Variants in THUMPD1 observed in about 807,000 individuals in gnomAD.
THUMPD1 encodes THUMP domain 1 NAT10 acetyltransferase adaptor.
A neutral mutation model predicts 31.6 loss-of-function variants in THUMPD1; 31 were observed. That is an observed-to-expected ratio of 0.98 (90% CI 0.74 to 1.32). THUMPD1 has a LOEUF of 1.32. Among genes scored for constraint, THUMPD1 ranks in the 40% most tolerant of loss-of-function variants. The pLI, the probability that THUMPD1 is intolerant of heterozygous loss-of-function variation, is 0.00. For synonymous variants in THUMPD1, 166 were observed against 158.2 expected (o/e 1.05, Z -0.37); for missense variants, 446 against 427.8 (o/e 1.04, Z -0.38).
Position 20,736,874 on chromosome 16 carries a change from G to C in THUMPD1, c.*6C>G. ...GAGAAACCCACCTCCAACACCAAATGACTTCCTATGAGAAGTCATTTTCAT... is the reference window on the plus strand; with the variant it reads ...GAGAAACCCACCTCCAACACCAAATCACTTCCTATGAGAAGTCATTTTCAT... On this transcript the variant is annotated 3_prime_UTR_variant, in exon 4 of 4. Coordinates refer to ENST00000396083, the MANE Select transcript of THUMPD1 (RefSeq NM_017736.5). 1 of 1,611,772 alleles carries C rather than the reference G, an allele frequency of 6.2e-7. No individual in the cohort carries two copies. Among genetic ancestry groups the C allele is most frequent in the Non-Finnish European group, 8.5e-7 (1 of 1,178,344 alleles).
chr16:20,741,677 C>G lies in THUMPD1; in HGVS notation c.63G>C (p.Gln21His), dbSNP rs747116854. ...PGGGKRKGKAQYVLAKRARRC... is the reference protein window; with the variant it reads ...PGGGKRKGKAHYVLAKRARRC... ...GCCGAGCGCGCTTGGCCAGCACATA[C>G]TGAGCCTTGCCTTTGCGCTTCCCGC... The change falls in exon 1 of 4, where the codon CAG becomes CAC. Residue 21 changes from glutamine to histidine, a missense_variant. Transcript: ENST00000396083. 6.3e-7 allele frequency: 1 copy of G among 1,584,260 alleles called. No individual in the cohort carries two copies. Among genetic ancestry groups the G allele is most frequent in the East Asian group, 2.3e-5 (1 of 43,470 alleles).
rs1254092164 is a variant in THUMPD1, at chr16:20,737,043, GTGT to G, written c.896_898del (p.Asn299del). 2 of 1,614,110 alleles carry G rather than the reference GTGT, an allele frequency of 1.2e-6. No individual in the cohort carries two copies. Among genetic ancestry groups the G allele is most frequent in the East Asian group, 2.2e-5 (1 of 44,890 alleles). On this transcript the variant is annotated inframe_deletion, in exon 4 of 4. Coordinates refer to ENST00000396083, the MANE Select transcript of THUMPD1 (RefSeq NM_017736.5). ...CTGCTGGTTATTTTTTCCTTCTGCT[GTGT>G]TGTTTTGGTCTGATTTGTCCGCAGA...
At position 20,734,558 on chromosome 16, in the gene THUMPD1, C is replaced by G. The variant is rs563055895; in HGVS notation, c.*2322G>C. 6.6e-6 allele frequency: 1 copy of G among 152,298 alleles called. No homozygotes were observed. The highest frequency in any genetic ancestry group is 1.9e-4 in the East Asian group (1 of 5,190). 9.4% of individuals were successfully genotyped at this position (152,298 alleles called of 1,614,324 possible). A position where few individuals can be genotyped will look rare whatever the true frequency, so the allele number is the denominator to read the frequency against. On this transcript the variant is annotated 3_prime_UTR_variant, in exon 4 of 4. Coordinates refer to ENST00000396083, the MANE Select transcript of THUMPD1 (RefSeq NM_017736.5). ...CATTAAATGAACATAGCCACTTGTG[C>G]AGGAAGCCTAACATTTTTAGGATTT...
intron 1 of THUMPD1, among the ~76,000 whole-genome samples, chr16:20,740,537 C>T (rs11859138): frequency 0.029 from 4,483 of 152,318 alleles, 232 homozygotes; most frequent in African/African-American, 0.1. Context: ...TTATTACATA[C>T]CAGTATGTAT....
intron 2 of THUMPD1, chr16:20,738,310 CAA>C (rs200704193): frequency 0.027 from 5,838 of 218,714 alleles, no homozygotes; most frequent in South Asian, 0.034. Flanking sequence ...CACTTTTTTA[CAA>C]AAAAAAAAAA....
chr16:20,737,089 TC>T lies in THUMPD1; in HGVS notation c.852del (p.Glu286LysfsTer43). 1.9e-6 allele frequency: 3 copies of T among 1,614,194 alleles called. No individual in the cohort carries two copies. The highest frequency in any genetic ancestry group is 2.5e-6 in the Non-Finnish European group (3 of 1,180,022). Reference protein sequence around the residue: ...PSQLNSKQGNGKEAKLESADK... With the variant: ...PSQLNSKQGNXKEAKLESADK... ...TCCGCAGATTCCAGTTTAGCTTCTT[TC>T]CCATTTCCCTGCTTTGAGTTAAGCT... On this transcript the variant is annotated frameshift_variant, in exon 4 of 4. Coordinates refer to ENST00000396083, the MANE Select transcript of THUMPD1 (RefSeq NM_017736.5). LOFTEE classifies it high-confidence loss of function.
intron 1 of THUMPD1, 28 bp downstream of exon 1, chr16:20,741,481 G>GGGGGGGGGGGCCCCCCCCCC: frequency 7.6e-7 from 1 of 1,308,404 alleles, no homozygotes; most frequent in Non-Finnish European, 9.9e-7. Context: ...CTGGCAGCCG[G>GGGGGGGGGGGCCCCCCCCCC]CCCGCCCGCC....
chr16:20,739,243 T>C (rs1357047244), intron 1 of THUMPD1, among the ~76,000 whole-genome samples, 172 bp from the exon 2 acceptor site: 1 of 152,030 alleles, frequency 6.6e-6, no homozygotes, highest in Non-Finnish European at 1.5e-5. Flanking sequence ...TGGTGCGATC[T>C]TGACTTGCTG....
chr16:20,741,301 G>A (rs1042319531), intron 1 of THUMPD1, among the ~76,000 whole-genome samples: 1 of 152,190 alleles, frequency 6.6e-6, no homozygotes, highest in Non-Finnish European at 1.5e-5. Flanking sequence ...GCAAGAAAAG[G>A]TGCAAGCACT....
rs1465296782 is a variant in THUMPD1, at chr16:20,736,830, A to T, written c.*50T>A. The T allele has an allele frequency of 6.4e-7, 1 of 1,574,372 alleles. No individual in the cohort carries two copies. Among genetic ancestry groups the T allele is most frequent in the Admixed American group, 1.8e-5 (1 of 54,514 alleles). On this transcript the variant is annotated 3_prime_UTR_variant, in exon 4 of 4. Coordinates refer to ENST00000396083, the MANE Select transcript of THUMPD1 (RefSeq NM_017736.5). ...CAATTTAAGGTGGAGCCCCAGCAAC[A>T]TCTCGTAGAGCCCCAGGTGAGAAAC...
intron 2 of THUMPD1, 42 bp from the exon 3 acceptor site, chr16:20,737,998 T>A (rs1226010290): frequency 1.9e-6 from 3 of 1,543,922 alleles, no homozygotes; most frequent in South Asian, 2.5e-5. Flanking sequence ...TTCTCAGACA[T>A]CTTAAAGATC....
chr16:20,737,004 GTA>G lies in THUMPD1; in HGVS notation c.936_937del (p.Thr313Ter). On this transcript the variant is annotated frameshift_variant, in exon 4 of 4. Transcript: ENST00000396083. LOFTEE classifies it high-confidence loss of function. ...TGGTTTTGTCTGCCCCAGCTCCTCA[GTA>G]TTCTCTGGTACCTGCTGGTTATTTT... is the stretch of plus-strand genomic sequence containing the variant. The G allele has an allele frequency of 6.2e-7, 1 of 1,614,122 alleles. No homozygotes were observed. Among genetic ancestry groups the G allele is most frequent in the Non-Finnish European group, 8.5e-7 (1 of 1,180,034 alleles).
rs1247010456 is a variant in THUMPD1, at chr16:20,735,593, T to C, written c.*1287A>G. On this transcript the variant is annotated 3_prime_UTR_variant, in exon 4 of 4. Transcript: ENST00000396083. Reference sequence around the variant, plus strand: ...ACAACCACTGATGGGGCACCAGGAGTGTAGATACCAGACCTCTGGTTATCA... The same window carrying C: ...ACAACCACTGATGGGGCACCAGGAGCGTAGATACCAGACCTCTGGTTATCA... 6.6e-6 allele frequency: 1 copy of C among 151,242 alleles called. No homozygotes were observed. Among genetic ancestry groups the C allele is most frequent in the Non-Finnish European group, 1.5e-5 (1 of 67,870 alleles). 9.4% of individuals were successfully genotyped at this position (151,242 alleles called of 1,614,324 possible).
intron 1 of THUMPD1, 28 bp downstream of exon 1, chr16:20,741,481 G>GGGGGGCCCC: frequency 7.6e-7 from 1 of 1,308,412 alleles, no homozygotes; most frequent in Non-Finnish European, 9.9e-7. Flanking sequence ...CTGGCAGCCG[G>GGGGGGCCCC]CCCGCCCGCC....
rs533460764 is a variant in THUMPD1, at chr16:20,734,575, T to G, written c.*2305A>C. 6.6e-6 allele frequency: 1 copy of G among 152,328 alleles called. No homozygotes were observed. Among genetic ancestry groups the G allele is most frequent in the East Asian group, 1.9e-4 (1 of 5,194 alleles). 9.4% of individuals were successfully genotyped at this position (152,328 alleles called of 1,614,324 possible). ...CACTTGTGCAGGAAGCCTAACATTTTTAGGATTTCCTAACTTTTTAAAACT... is the reference window on the plus strand; with the variant it reads ...CACTTGTGCAGGAAGCCTAACATTTGTAGGATTTCCTAACTTTTTAAAACT... On this transcript the variant is annotated 3_prime_UTR_variant, in exon 4 of 4. Transcript: ENST00000396083.
chr16:20,737,711 C>T lies in THUMPD1; in HGVS notation c.652G>A (p.Ala218Thr). ...AAAATCACTAAGAGAAACATACCTG[C>T]CAATTCTCTGATAACTTCTTCTCTA... ...VNREEVIREL[A>T]GIVCTLNSEN... Residue 218 changes from alanine (A) to threonine (T), a missense_variant, in exon 3 of 4, where the codon GCA becomes ACA. By Grantham distance (58) the Ala-to-Thr change is moderately conservative (BLOSUM62 0). Coordinates refer to ENST00000396083, the MANE Select transcript of THUMPD1 (RefSeq NM_017736.5). 4.4e-6 allele frequency: 7 copies of T among 1,604,784 alleles called. No homozygotes were observed. Among genetic ancestry groups the T allele is most frequent in the Non-Finnish European group, 6.0e-6 (7 of 1,175,368 alleles).
Position 20,741,705 on chromosome 16 carries a change from C to T in THUMPD1, c.35G>A (p.Gly12Asp). Reference protein sequence around the residue: ...AAPAQQTTQPGGGKRKGKAQY... With the variant: ...AAPAQQTTQPDGGKRKGKAQY... ...AGCCTTGCCTTTGCGCTTCCCGCCG[C>T]CAGGCTGAGTAGTCTGCTGGGCAGG... Residue 12 changes from glycine (G) to aspartate (D), a missense_variant, in exon 1 of 4, where the codon GGC becomes GAC. Physicochemically the swap from Gly to Asp is moderately conservative, Grantham distance 94. Coordinates refer to ENST00000396083, the MANE Select transcript of THUMPD1 (RefSeq NM_017736.5). The T allele has an allele frequency of 6.3e-7, 1 of 1,578,184 alleles. No individual in the cohort carries two copies. The highest frequency in any genetic ancestry group is 8.6e-7 in the Non-Finnish European group (1 of 1,161,860).
rs1436595986 is a variant in THUMPD1 at position 20,736,892 on chromosome 16, A to G, written c.1050T>C (p.Asn350=). 3.1e-6 allele frequency: 5 copies of G among 1,613,666 alleles called. No homozygotes were observed. The highest frequency in any genetic ancestry group is 4.2e-6 in the Non-Finnish European group (5 of 1,179,816). Residue 350 remains asparagine (N), a synonymous_variant, in exon 4 of 4, where the codon AAT becomes AAC. Transcript: ENST00000396083. ...QATEGSKSNE[N]DFS is the part of the protein sequence containing the mutation. ...ACCAAATGACTTCCTATGAGAAGTC[A>G]TTTTCATTTGACTTGGATCCTTCTG...
Position 20,735,067 on chromosome 16 carries a change from A to C in THUMPD1, c.*1813T>G, listed in dbSNP as rs1265792483. 6.6e-6 allele frequency: 1 copy of C among 152,246 alleles called. No individual in the cohort carries two copies. The highest frequency in any genetic ancestry group is 2.4e-5 in the African/African-American group (1 of 41,472). The allele number at this position is 152,246 out of a possible 1,614,324, so 9.4% of individuals were successfully genotyped here. A position where few individuals can be genotyped will look rare whatever the true frequency, so the allele number is the denominator to read the frequency against. The stretch of plus-strand genomic sequence containing the variant: ...AAACATTTCAAGAATTCCTCTGGCA[A>C]GGTGGCAAGTCAGTTTCCTTTTAGA... On this transcript the variant is annotated 3_prime_UTR_variant, in exon 4 of 4. Transcript: ENST00000396083.
Sources: gnomAD v4.1 joint callset for allele counts (sites outside exome capture counted in the v4.1 genomes callset) on GRCh38, gnomAD v4.1.1 for gene constraint, MANE v1.5 for transcripts, NCBI Gene and HGNC (gene_info 2026-07-23, HGNC 2026-07-21) for gene names.